The following ZNF407 variants were observed in gnomAD, a reference collection of about 807,000 sequenced individuals.
ZNF407 encodes zinc finger protein 407.
Under a neutral mutation model 131.2 loss-of-function variants are expected in ZNF407, and 17 were observed. The ratio of observed to expected loss-of-function variants is 0.13; its 90% CI spans 0.09 to 0.19. The LOEUF is 0.19. Ranked by LOEUF, ZNF407 falls within the 10% of genes least tolerant of loss-of-function variation. The pLI, the probability that ZNF407 is intolerant of heterozygous loss-of-function variation, is 1.00. For missense variants in ZNF407, 2,681 were observed against 2,830.6 expected, an observed-to-expected ratio of 0.95 and a Z score of 1.20; for synonymous variants, 1,156 against 1,062.0, an observed-to-expected ratio of 1.09 and a Z score of -1.72.
At chr18:75,050,155 G>A (rs1209258686) in intron 8 of ZNF407, among the ~76,000 whole-genome samples, 1 of 152,004 alleles carries the variant, frequency 6.6e-6, no homozygotes, top group Non-Finnish European at 1.5e-5. Flanking sequence ...GATATGAACT[G>A]AACTATAATG....
chr18:74,926,728 G>A (rs1971918740), intron 8 of ZNF407, among the ~76,000 whole-genome samples: 1 of 152,234 alleles, frequency 6.6e-6, no homozygotes, highest in African/African-American at 2.4e-5. Flanking sequence ...GGTTAAACTG[G>A]GAGGTGGAGG....
intron 8 of ZNF407, among the ~76,000 whole-genome samples, chr18:74,998,101 CCAG>C (rs1305059753): frequency 3.3e-5 from 5 of 152,154 alleles, no homozygotes; most frequent in Non-Finnish European, 7.3e-5. Flanking sequence ...CACGGGCTCA[CCAG>C]TCATCCAAGG....
chr18:74,736,671 C>T (rs1384157266), intron 3 of ZNF407, among the ~76,000 whole-genome samples: 1 of 151,986 alleles, frequency 6.6e-6, no homozygotes, highest in African/African-American at 2.4e-5. Context: ...GCCCAGGATG[C>T]CTTTGTCAGT....
At chr18:74,854,939 A>G (rs914984409) in intron 4 of ZNF407, among the ~76,000 whole-genome samples, 2 of 152,198 alleles carry the variant, frequency 1.3e-5, no homozygotes, top group African/African-American at 4.8e-5. Context: ...TAACTTATAG[A>G]TTAGTGAAAT....
At chr18:74,856,083 G>A (rs1013371746) in intron 4 of ZNF407, among the ~76,000 whole-genome samples, 2 of 152,000 alleles carry the variant, frequency 1.3e-5, no homozygotes, top group African/African-American at 4.8e-5. Flanking sequence ...GACTTTTTTT[G>A]TTCCAGTGAG....
chr18:74,785,873 T>G (rs3911926), intron 4 of ZNF407, among the ~76,000 whole-genome samples: 3 of 21,690 alleles, frequency 1.4e-4, no homozygotes, highest in Admixed American at 1.1e-3. Context: ...CACACGTCAC[T>G]CACATGGCAC....
At chr18:74,896,366 G>A (rs550389433) in intron 7 of ZNF407, among the ~76,000 whole-genome samples, 2 of 152,202 alleles carry the variant, frequency 1.3e-5, no homozygotes, top group African/African-American at 2.4e-5. Context: ...CAATCTAGTC[G>A]ATGGAATAAA....
intron 4 of ZNF407, among the ~76,000 whole-genome samples, chr18:74,818,030 A>G (rs1970291078): frequency 6.6e-6 from 1 of 152,244 alleles, no homozygotes. Flanking sequence ...CTTTTGAAGT[A>G]TACAAAGTAA....
In ZNF407 at chr18:74,615,916, T is replaced by A. The variant is rs538705622; in HGVS notation, c.-53-15051T>A. Among the ~76,000 whole-genome samples the A allele has an allele frequency of 3.9e-3, 595 of 151,882 alleles. 4 individuals are homozygous for A. Among genetic ancestry groups the A allele is most frequent in the Non-Finnish European group, 7.2e-3 (486 of 67,924 alleles). ...TTCATTCTTTTTGTCCGGGCTGGAG[T>A]GCAATGGCATGATCTCGGCTCACTG... is the stretch of plus-strand genomic sequence containing the variant. On this transcript the variant is annotated intron_variant, in intron 1 of 8. Transcript: ENST00000299687.
At chr18:74,944,200 A>T (rs866661581) in intron 8 of ZNF407, among the ~76,000 whole-genome samples, 1 of 152,218 alleles carries the variant, frequency 6.6e-6, no homozygotes, top group East Asian at 1.9e-4. Context: ...TTATGTTCTT[A>T]CAGGAAATAA....
At chr18:74,966,236 C>A (rs906197214) in intron 8 of ZNF407, among the ~76,000 whole-genome samples, 2 of 152,106 alleles carry the variant, frequency 1.3e-5, no homozygotes, top group Non-Finnish European at 2.9e-5. Context: ...GAAATTTTTG[C>A]CCAGACCAGT....
At chr18:74,854,844 G>C (rs1487793523) in intron 4 of ZNF407, among the ~76,000 whole-genome samples, 1 of 152,002 alleles carries the variant, frequency 6.6e-6, no homozygotes, top group Admixed American at 6.6e-5. Context: ...CTTCTCTCTG[G>C]CTGCATCCTT....
At chr18:74,776,584 C>T (rs1323474844) in intron 3 of ZNF407, among the ~76,000 whole-genome samples, 2 of 152,090 alleles carry the variant, frequency 1.3e-5, no homozygotes, top group South Asian at 4.1e-4. Context: ...TGAAAATTCC[C>T]CCTACCCCTA....
intron 8 of ZNF407, among the ~76,000 whole-genome samples, chr18:74,961,838 C>T (rs1449269041): frequency 6.6e-6 from 1 of 152,056 alleles, no homozygotes; most frequent in Non-Finnish European, 1.5e-5. Context: ...ACCCACCCAC[C>T]CACTCCCTAC....
intron 4 of ZNF407, among the ~76,000 whole-genome samples, chr18:74,868,298 T>C (rs756714937): frequency 6.6e-6 from 1 of 152,204 alleles, no homozygotes; most frequent in Non-Finnish European, 1.5e-5. Flanking sequence ...GGCATTGTTA[T>C]AGGAGGTTTT....
At chr18:74,734,624 G>A (rs1968368827) in intron 3 of ZNF407, among the ~76,000 whole-genome samples, 1 of 151,778 alleles carries the variant, frequency 6.6e-6, no homozygotes. Flanking sequence ...GCACATGAGT[G>A]TAGTTTTCTG....
At chr18:74,684,797 T>C (rs952799266) in intron 3 of ZNF407, among the ~76,000 whole-genome samples, 5 of 152,216 alleles carry the variant, frequency 3.3e-5, no homozygotes, top group African/African-American at 4.8e-5. Flanking sequence ...TCTAGTAATT[T>C]TCCCTTTGGA....
At chr18:74,866,731 C>T (rs1051980625) in intron 4 of ZNF407, among the ~76,000 whole-genome samples, 73 of 149,082 alleles carry the variant, frequency 4.9e-4, no homozygotes, top group Non-Finnish European at 1.5e-4. Flanking sequence ...TCCACTTGTT[C>T]GGTAGAAATA....
intron 4 of ZNF407, among the ~76,000 whole-genome samples, chr18:74,848,434 G>T (rs1035033666): frequency 1.3e-5 from 2 of 152,182 alleles, no homozygotes; most frequent in African/African-American, 4.8e-5. Flanking sequence ...ACTGGGTTGT[G>T]ACGGATGCTT....
Sources: allele counts gnomAD v4.1 joint callset (sites outside exome capture counted in the v4.1 genomes callset), GRCh38; gene constraint gnomAD v4.1.1; transcripts MANE v1.5; gene names NCBI Gene and HGNC (gene_info 2026-07-23, HGNC 2026-07-21).